The following LOXL2 variants were observed in gnomAD, a reference collection of about 807,000 sequenced individuals.
LOXL2 encodes lysyl oxidase like 2.
A neutral mutation model predicts 93.0 loss-of-function variants in LOXL2; 70 were observed. The ratio of observed to expected loss-of-function variants is 0.75; its 90% CI spans 0.62 to 0.92. The LOEUF (loss-of-function observed/expected upper bound fraction) is 0.92, where lower values mean the gene tolerates loss of function less well. Ranked by LOEUF, LOXL2 falls within the 40% of genes least tolerant of loss-of-function variation. The pLI, the probability that LOXL2 is intolerant of heterozygous loss-of-function variation, is 0.00. For synonymous variants in LOXL2, 438 were observed against 413.2 expected, an observed-to-expected ratio of 1.06 and a Z score of -0.73; for missense variants, 973 against 1,054.9, an observed-to-expected ratio of 0.92 and a Z score of 1.08.
At chr8:23,364,744 A>G (rs1804370359) in intron 2 of LOXL2, 1 of 152,250 alleles carries the variant, frequency 6.6e-6, no homozygotes, top group African/African-American at 2.4e-5. Context: ...CGGGGGGCTG[A>G]GATGGGAGGA....
chr8:23,404,006 TC>T lies in LOXL2; in HGVS notation c.-137del. On this transcript the variant is annotated 5_prime_UTR_variant, in exon 1 of 14. Coordinates refer to ENST00000389131, the MANE Select transcript of LOXL2 (RefSeq NM_002318.3). ...GCTGGGACCGCGCTCTCCACGGTGG[TC>T]CCCCTCCGCTTCCGCCGCCGCTGAG... 2 of 176,020 alleles carry T rather than the reference TC, an allele frequency of 1.1e-5. No individual in the cohort carries two copies. The highest frequency in any genetic ancestry group is 1.2e-5 in the Non-Finnish European group (1 of 80,722). 10.9% of individuals were successfully genotyped at this position (176,020 alleles called of 1,614,324 possible).
chr8:23,326,458 T>C (rs1803578447), intron 6 of LOXL2, among the ~76,000 whole-genome samples: 1 of 152,056 alleles, frequency 6.6e-6, no homozygotes, highest in African/African-American at 2.4e-5. Flanking sequence ...GCAGGGATAG[T>C]CAAGATCCAG....
chr8:23,327,727 G>A (rs1347678690), intron 6 of LOXL2, among the ~76,000 whole-genome samples: 2 of 152,178 alleles, frequency 1.3e-5, no homozygotes, highest in Non-Finnish European at 2.9e-5. Context: ...GCTTCCTGGG[G>A]AGGAGAAATG....
At chr8:23,349,604 C>T (rs1207989887) in intron 3 of LOXL2, among the ~76,000 whole-genome samples, 1 of 151,942 alleles carries the variant, frequency 6.6e-6, no homozygotes, top group East Asian at 1.9e-4. Flanking sequence ...TTTATTCCTC[C>T]AGCACTGGCA....
chr8:23,364,200 G>A (rs1804356697), intron 2 of LOXL2: 1 of 152,026 alleles, frequency 6.6e-6, no homozygotes, highest in Non-Finnish European at 1.5e-5. Flanking sequence ...TACAGGCTTA[G>A]TGCTTATTAA....
intron 6 of LOXL2, among the ~76,000 whole-genome samples, chr8:23,322,827 A>G (rs1044898583): frequency 7.9e-5 from 12 of 152,308 alleles, no homozygotes; most frequent in African/African-American, 2.9e-4. Flanking sequence ...CACGCCCGTT[A>G]CCCTCTGCCT....
intron 11 of LOXL2, among the ~76,000 whole-genome samples, chr8:23,302,618 T>C (rs1028239898): frequency 1.3e-5 from 2 of 152,324 alleles, no homozygotes; most frequent in East Asian, 3.9e-4. Flanking sequence ...CTGTCTGCTG[T>C]GTGATTTCAC....
rs865926293 is a variant in LOXL2, at chr8:23,346,185, T to A, written c.532-4982A>T. Among the ~76,000 whole-genome samples, 211 of 98,674 alleles carry A rather than the reference T, an allele frequency of 2.1e-3. 1 individual carries two copies. The highest frequency in any genetic ancestry group is 9.8e-3 in the African/African-American group (176 of 17,884). The allele number at this position is 98,674 out of a possible 152,430, so 64.7% of individuals were successfully genotyped here. ...AAATAAAATAAAATAAATAAAATAA[T>A]AAAATAAAATAAAATAAAATAAATA... On this transcript the variant is annotated intron_variant, in intron 3 of 13. Coordinates refer to ENST00000389131, the MANE Select transcript of LOXL2 (RefSeq NM_002318.3).
chr8:23,397,653 C>T (rs936669776), intron 1 of LOXL2, among the ~76,000 whole-genome samples: 6 of 151,848 alleles, frequency 4.0e-5, no homozygotes, highest in Non-Finnish European at 8.8e-5. Context: ...TGGCGGGCGC[C>T]TGTGGTCCCA....
intron 3 of LOXL2, among the ~76,000 whole-genome samples, chr8:23,354,947 A>ATG (rs1804163640): frequency 3.7e-5 from 2 of 54,078 alleles, no homozygotes; most frequent in African/African-American, 1.1e-4. Context: ...ATATATATAT[A>ATG]TATTTTTTTT....
chr8:23,330,212 T>A (rs1343861560), intron 5 of LOXL2, among the ~76,000 whole-genome samples: 1 of 152,154 alleles, frequency 6.6e-6, no homozygotes, highest in East Asian at 1.9e-4. Flanking sequence ...CGGGTGCCTG[T>A]AGTCCCAGCT....
Position 23,302,096 on chromosome 8 carries a change from C to T in LOXL2, c.2064G>A (p.Met688Ile), listed in dbSNP as rs557801985. ...DQGITMGCWD[M>I]YRHDIDCQWV... ...ACTGGCAGTCGATGTCATGGCGGTA[C>T]ATGTCCCAGCAGCCCATGGTGATGC... The change falls in exon 12 of 14, where the codon ATG becomes ATA. Residue 688 changes from methionine to isoleucine, a missense_variant. By Grantham distance (10) the Met-to-Ile change is conservative (BLOSUM62 1). Transcript: ENST00000389131. 1 of 1,614,162 alleles carries T rather than the reference C, an allele frequency of 6.2e-7. No individual in the cohort carries two copies. The highest frequency in any genetic ancestry group is 2.2e-5 in the East Asian group (1 of 44,882).
rs747695442 is a variant in LOXL2 at position 23,333,437 on chromosome 8, G to A, written c.930C>T (p.Asp310=). ...ACGCTTTCCGGAATCTTGAGGGTCC[G>A]TCAGGGCTGAAGACCTGCCCAGGCA... is the stretch of plus-strand genomic sequence containing the variant. ...SCVPGQVFSP[D]GPSRFRKAYK... is the part of the protein sequence containing the mutation. The change falls in exon 5 of 14, where the codon GAC becomes GAT. Residue 310 remains aspartate (D), a synonymous_variant. Coordinates refer to ENST00000389131, the MANE Select transcript of LOXL2 (RefSeq NM_002318.3). 1.1e-5 allele frequency: 17 copies of A among 1,613,748 alleles called. No homozygotes were observed. In the East Asian group the frequency reaches 1.8e-4, roughly 17 times the overall value.
intron 4 of LOXL2, chr8:23,337,011 T>G (rs1803803877): frequency 6.6e-6 from 1 of 152,204 alleles, no homozygotes; most frequent in Non-Finnish European, 1.5e-5. Context: ...TGAGGGGTCA[T>G]GACTCTACTC....
chr8:23,321,964 A>T, intron 7 of LOXL2, 166 bp downstream of exon 7: 1 of 736,070 alleles, frequency 1.4e-6, no homozygotes, highest in Non-Finnish European at 2.2e-6. Flanking sequence ...GGCCAGGGCC[A>T]GGCCCGAGGT....
At chr8:23,323,771 G>A (rs898871825) in intron 6 of LOXL2, among the ~76,000 whole-genome samples, 10 of 152,074 alleles carry the variant, frequency 6.6e-5, no homozygotes, top group Admixed American at 2.0e-4. Context: ...ACGCCATCTC[G>A]GCTCACTGCA....
At chr8:23,403,013 G>C (rs1222711779) in intron 1 of LOXL2, among the ~76,000 whole-genome samples, 1 of 151,882 alleles carries the variant, frequency 6.6e-6, no homozygotes, top group Non-Finnish European at 1.5e-5. Flanking sequence ...GTCTTAGCTC[G>C]GGCACGGAGA....
At chr8:23,399,941 G>A (rs928528597) in intron 1 of LOXL2, among the ~76,000 whole-genome samples, 14 of 152,168 alleles carry the variant, frequency 9.2e-5, no homozygotes, top group African/African-American at 2.9e-4. Context: ...GGATGGAATC[G>A]GGTTGACCAG....
chr8:23,354,588 C>CTCTGTGTGTGTGTGTGTG (rs1315357250), intron 3 of LOXL2, among the ~76,000 whole-genome samples: 3 of 150,804 alleles, frequency 2.0e-5, no homozygotes, highest in Admixed American at 6.6e-5. Flanking sequence ...CATCCCTTCT[C>CTCTGTGTGTGTGTGTGTG]TGTGTGTGTG....
Sources: gnomAD v4.1 joint callset for allele counts (sites outside exome capture counted in the v4.1 genomes callset) on GRCh38, gnomAD v4.1.1 for gene constraint, MANE v1.5 for transcripts, NCBI Gene and HGNC (gene_info 2026-07-23, HGNC 2026-07-21) for gene names.